Variants in USP34 observed in about 807,000 individuals in gnomAD.
The protein encoded by USP34 is ubiquitin specific peptidase 34, also known as ubiquitin carboxyl-terminal hydrolase 34.
Under a neutral mutation model 460.3 loss-of-function variants are expected in USP34, and 70 were observed. The observed-to-expected ratio is 0.15, with a 90% confidence interval of 0.13 to 0.19. The LOEUF (loss-of-function observed/expected upper bound fraction) is 0.19. USP34 is among the 10% of genes least tolerant of loss of function. USP34 has a pLI of 1.00. For missense variants in USP34, 3,985 were observed against 4,236.2 expected (o/e 0.94, Z 1.65); for synonymous variants, 1,647 against 1,405.3 (o/e 1.17, Z -3.85).
chr2:61,195,981 A>T (rs1429057994), intron 75 of USP34, among the ~76,000 whole-genome samples: 1 of 148,596 alleles, frequency 6.7e-6, no homozygotes, highest in Non-Finnish European at 1.5e-5. Context: ...ATCTCAGCTC[A>T]CTGCAACCTC....
At chr2:61,254,809 T>C (rs781366505) in intron 48 of USP34, among the ~76,000 whole-genome samples, 25 of 152,094 alleles carry the variant, frequency 1.6e-4, no homozygotes, top group Admixed American at 7.2e-4. Context: ...AGGGAAAAAA[T>C]TGTATAATGT....
At chr2:61,465,157 A>C (rs1378554777) in intron 1 of USP34, among the ~76,000 whole-genome samples, 1 of 152,130 alleles carries the variant, frequency 6.6e-6, no homozygotes, top group African/African-American at 2.4e-5. Context: ...ATGTAGTTTC[A>C]ACTTTTATGA....
chr2:61,285,222 G>A (rs991351825), intron 34 of USP34, among the ~76,000 whole-genome samples: 1 of 152,096 alleles, frequency 6.6e-6, no homozygotes, highest in African/African-American at 2.4e-5. Context: ...GTGGCTCACT[G>A]TAATTGCTGT....
intron 1 of USP34, among the ~76,000 whole-genome samples, chr2:61,431,859 A>C (rs1694685648): frequency 6.6e-6 from 1 of 152,088 alleles, no homozygotes; most frequent in Admixed American, 6.5e-5. Flanking sequence ...CATCTCAAAA[A>C]AATAAATAAA....
At chr2:61,326,886 C>T (rs561357072) in intron 20 of USP34, among the ~76,000 whole-genome samples, 7 of 149,724 alleles carry the variant, frequency 4.7e-5, no homozygotes, top group South Asian at 2.1e-4. Flanking sequence ...TGGGTTCAAG[C>T]GATTCTCCTG....
chr2:61,350,744 T>G, intron 10 of USP34, 51 bp from the exon 11 acceptor site: 2 of 1,563,606 alleles, frequency 1.3e-6, no homozygotes, highest in Non-Finnish European at 1.7e-6. Flanking sequence ...CCAATACATG[T>G]AGATTACCTG....
intron 1 of USP34, among the ~76,000 whole-genome samples, chr2:61,463,748 C>T (rs1695676895): frequency 6.6e-6 from 1 of 151,590 alleles, no homozygotes; most frequent in African/African-American, 2.4e-5. Flanking sequence ...GCAGGAGAAT[C>T]GCTTGAACCC....
intron 14 of USP34, 129 bp from the exon 15 acceptor site, chr2:61,348,609 G>A (rs1691844057): frequency 7.0e-7 from 1 of 1,436,838 alleles, no homozygotes; most frequent in Non-Finnish European, 9.2e-7. Context: ...AATACAAAAT[G>A]GAATTAAAAA....
chr2:61,417,092 C>A (rs1694219668), intron 2 of USP34: 5 of 1,456,652 alleles, frequency 3.4e-6, no homozygotes, highest in Non-Finnish European at 2.9e-6. Context: ...ATCACATGCG[C>A]CTTGTTCTGC....
intron 1 of USP34, among the ~76,000 whole-genome samples, chr2:61,429,889 C>G (rs572007245): frequency 2.3e-4 from 35 of 151,960 alleles, no homozygotes; most frequent in Admixed American, 6.6e-4. Context: ...TGGTGACACC[C>G]TGTCTCCACT....
At position 61,291,841 on chromosome 2, in the gene USP34, T is replaced by A. The variant is rs558434447; in HGVS notation, c.4548+1623A>T. Among the ~76,000 whole-genome samples the A allele has an allele frequency of 2.6e-4, 39 of 152,302 alleles. No homozygotes were observed. In the South Asian group the frequency reaches 8.1e-3, roughly 32 times the overall value. On this transcript the variant is annotated intron_variant, in intron 33 of 79. Coordinates refer to ENST00000398571, the MANE Select transcript of USP34 (RefSeq NM_014709.4). ...AGTCACAGTGTAGAAATAACCCAAA[T>A]GCTTCTCAATTGGTGAATGGATAAA...
chr2:61,230,841 T>C (rs1381132697), intron 58 of USP34, among the ~76,000 whole-genome samples: 3 of 97,512 alleles, frequency 3.1e-5, no homozygotes, highest in Middle Eastern at 8.6e-3. Context: ...CGAAACTCCG[T>C]CTCAAAAAAA....
intron 1 of USP34, among the ~76,000 whole-genome samples, chr2:61,466,989 G>T (rs985528461): frequency 6.6e-6 from 1 of 152,076 alleles, no homozygotes; most frequent in African/African-American, 2.4e-5. Flanking sequence ...ACAAGAAACA[G>T]TGTTTTTGGT....
At chr2:61,326,885 G>C (rs1426062285) in intron 20 of USP34, among the ~76,000 whole-genome samples, 1 of 150,538 alleles carries the variant, frequency 6.6e-6, no homozygotes, top group Non-Finnish European at 1.5e-5. Context: ...CTGGGTTCAA[G>C]CGATTCTCCT....
intron 21 of USP34, among the ~76,000 whole-genome samples, chr2:61,321,477 AAAAAC>A (rs916713900): frequency 3.5e-4 from 53 of 152,316 alleles, no homozygotes; most frequent in African/African-American, 1.2e-3. Context: ...TCTCAAAACA[AAAAAC>A]AAAACAAAAC....
chr2:61,273,326 A>G (rs981022284), intron 41 of USP34, among the ~76,000 whole-genome samples: 1 of 152,214 alleles, frequency 6.6e-6, no homozygotes, highest in African/African-American at 2.4e-5. Context: ...CAAAAAAGTA[A>G]CACAATTTTA....
chr2:61,378,913 G>GAAACAAAAAAAAAA (rs1692879495), intron 7 of USP34, among the ~76,000 whole-genome samples: 1 of 57,874 alleles, frequency 1.7e-5, no homozygotes, highest in Admixed American at 3.4e-4. Flanking sequence ...TCAAAAAAAC[G>GAAACAAAAAAAAAA]AAAAAAAAAA....
chr2:61,248,737 G>A (rs1688489787), intron 48 of USP34, 54 bp from the exon 49 acceptor site: 2 of 1,469,392 alleles, frequency 1.4e-6, no homozygotes, highest in South Asian at 1.4e-5. Context: ...TACTTCAGTT[G>A]GTTTGATTTC....
rs1691852717 is a variant in USP34, at chr2:61,348,900, A to G, written c.1544-14T>C. 13 of 1,589,072 alleles carry G rather than the reference A, an allele frequency of 8.2e-6. No individual in the cohort carries two copies. The highest frequency in any genetic ancestry group is 1.0e-5 in the Non-Finnish European group (12 of 1,171,840). On this transcript the variant is annotated splice_polypyrimidine_tract_variant and intron_variant, in intron 13 of 79. Transcript: ENST00000398571. ...CTGCAGGTGACCCTATATAAAATAC[A>G]TTTTTTGTTTTTACTTCTAATTTAT...
Sources: allele counts gnomAD v4.1 joint callset (sites outside exome capture counted in the v4.1 genomes callset), GRCh38; gene constraint gnomAD v4.1.1; transcripts MANE v1.5; gene names NCBI Gene and HGNC (gene_info 2026-07-23, HGNC 2026-07-21).